SLC8A1: variants seen among roughly 807,000 people sequenced by gnomAD.
The protein encoded by SLC8A1 is sodium/calcium exchanger 1.
SLC8A1 carries 18 observed loss-of-function variants against 68.3 expected under a neutral mutation model. The ratio of observed to expected loss-of-function variants is 0.26; its 90% CI spans 0.18 to 0.39. The LOEUF is 0.39. SLC8A1 is among the 10% of genes least tolerant of loss of function. The pLI is 1.00. For synonymous variants in SLC8A1, 475 were observed against 415.5 expected (o/e 1.14, Z -1.74); for missense variants, 985 against 1,156.7 (o/e 0.85, Z 2.15).
intron 2 of SLC8A1, among the ~76,000 whole-genome samples, chr2:40,377,889 T>G (rs2149535113): frequency 6.6e-6 from 1 of 152,264 alleles, no homozygotes; most frequent in Middle Eastern, 3.4e-3. Context: ...CCTATGGTCA[T>G]CAATTCAAAA....
chr2:40,511,923 C>G (rs1706754300), intron 1 of SLC8A1, among the ~76,000 whole-genome samples: 2 of 152,174 alleles, frequency 1.3e-5, no homozygotes, highest in Admixed American at 1.3e-4. Context: ...GAACTAGTCA[C>G]ACATGCGAGT....
intron 2 of SLC8A1, chr2:40,251,887 C>T (rs1004037960): frequency 6.6e-6 from 1 of 152,084 alleles, no homozygotes; most frequent in Non-Finnish European, 1.5e-5. Flanking sequence ...CAATATACAT[C>T]GGGTATTATG....
chr2:40,114,623 G>A (rs2035006014), exon 8 of SLC8A1: 1 of 152,694 alleles, frequency 6.5e-6, no homozygotes, highest in Non-Finnish European at 1.5e-5. Flanking sequence ...CGGATTTCCT[G>A]GCTCCATTCC....
At chr2:40,193,210 T>C (rs1424550304) in intron 2 of SLC8A1, among the ~76,000 whole-genome samples, 2 of 152,094 alleles carry the variant, frequency 1.3e-5, no homozygotes, top group African/African-American at 4.8e-5. Flanking sequence ...GGTGTGTAGG[T>C]GATTCAAGCT....
exon 2 of SLC8A1, chr2:40,428,972 T>A (rs1425806438): frequency 1.2e-6 from 2 of 1,613,856 alleles, no homozygotes; most frequent in South Asian, 2.2e-5. Flanking sequence ...ACAGTGTTAG[T>A]CAAATCACCA....
intron 2 of SLC8A1, among the ~76,000 whole-genome samples, chr2:40,341,419 G>A (rs1175244957): frequency 6.6e-6 from 1 of 152,126 alleles, no homozygotes; most frequent in African/African-American, 2.4e-5. Flanking sequence ...TGAAACTATT[G>A]TGGAGTCTAA....
intron 1 of SLC8A1, among the ~76,000 whole-genome samples, chr2:40,472,761 TTAACA>T (rs898737848): frequency 2.0e-5 from 3 of 152,140 alleles, no homozygotes; most frequent in African/African-American, 7.2e-5. Context: ...CCTCATGGAG[TTAACA>T]TAACCAATCA....
intron 1 of SLC8A1, among the ~76,000 whole-genome samples, chr2:40,477,561 ACAAT>A (rs1704367647): frequency 6.6e-6 from 1 of 152,248 alleles, no homozygotes; most frequent in South Asian, 2.1e-4. Flanking sequence ...CGGAAGGAAG[ACAAT>A]CAGAGGTTTG....
intron 1 of SLC8A1, among the ~76,000 whole-genome samples, chr2:40,499,375 G>C (rs1057046224): frequency 6.6e-6 from 1 of 151,986 alleles, no homozygotes; most frequent in South Asian, 2.1e-4. Context: ...AGCTCATAAG[G>C]TTATTGTTAG....
At chr2:40,421,072 C>T (rs1695373650) in intron 2 of SLC8A1, among the ~76,000 whole-genome samples, 1 of 151,984 alleles carries the variant, frequency 6.6e-6, no homozygotes, top group South Asian at 2.1e-4. Flanking sequence ...CCATCATCAC[C>T]ACCACCACCA....
At chr2:40,418,115 C>A (rs915232033) in intron 2 of SLC8A1, among the ~76,000 whole-genome samples, 2 of 152,088 alleles carry the variant, frequency 1.3e-5, no homozygotes, top group African/African-American at 4.8e-5. Flanking sequence ...ATAATTCAAA[C>A]CTATAGAGGA....
chr2:40,428,454 T>C lies in SLC8A1; in HGVS notation c.1808+19A>G, dbSNP rs901909031. 68 of 1,536,624 alleles carry C rather than the reference T, an allele frequency of 4.4e-5. No homozygotes were observed. In the South Asian group the frequency reaches 4.7e-4, roughly 11 times the overall value. On this transcript the variant is annotated intron_variant, in intron 2 of 7. Transcript: ENST00000406785. Reference sequence around the variant, plus strand: ...ACACACACACACACACACACACACATATATAATATAGAACTTACACAATTT... The same window carrying C: ...ACACACACACACACACACACACACACATATAATATAGAACTTACACAATTT...
intron 2 of SLC8A1, among the ~76,000 whole-genome samples, chr2:40,228,798 A>T (rs149314084): frequency 1.8e-4 from 27 of 152,264 alleles, no homozygotes; most frequent in African/African-American, 5.1e-4. Context: ...TTGATCACCA[A>T]TCCAAGGTGA....
chr2:40,167,581 A>C (rs2148491451), intron 4 of SLC8A1, among the ~76,000 whole-genome samples: 1 of 152,332 alleles, frequency 6.6e-6, no homozygotes, highest in East Asian at 1.9e-4. Context: ...ACAGTAAGGC[A>C]CACTGTTTCT....
intron 2 of SLC8A1, among the ~76,000 whole-genome samples, chr2:40,263,677 G>T (rs1228735516): frequency 6.6e-6 from 1 of 152,046 alleles, no homozygotes; most frequent in African/African-American, 2.4e-5. Context: ...AGCTGAAACT[G>T]GATCCCTTCC....
At chr2:40,192,040 A>G (rs1267148551) in intron 2 of SLC8A1, among the ~76,000 whole-genome samples, 3 of 152,194 alleles carry the variant, frequency 2.0e-5, no homozygotes, top group Non-Finnish European at 2.9e-5. Flanking sequence ...TAAATATACA[A>G]TAAGACAAAT....
intron 3 of SLC8A1, among the ~76,000 whole-genome samples, chr2:40,177,460 A>G (rs1269999361): frequency 6.6e-6 from 1 of 152,254 alleles, no homozygotes. Context: ...AACCGTGAGT[A>G]GTGAAAAACT....
chr2:40,107,645 G>C (rs537642227), exon 8 of SLC8A1: 17 of 152,102 alleles, frequency 1.1e-4, no homozygotes, highest in Non-Finnish European at 1.8e-4. Context: ...AGCTAAAAAG[G>C]GGGGAGGTCA....
In SLC8A1 at chr2:40,462,067, C is replaced by T. The variant is rs544814745; in HGVS notation, c.-24-31763G>A. Among the ~76,000 whole-genome samples the T allele has an allele frequency of 4.8e-5, 6 of 124,364 alleles. No homozygotes were observed. The Admixed American group carries it at 5.0e-4, about 10-fold the overall frequency. The allele number at this position is 124,364 out of a possible 152,430, so 81.6% of individuals were successfully genotyped here. ...TGTCGCCCAGGCTGGAGTGCAGTGG[C>T]ACAATCTTGGCTCACTGCAAGCTCC... On this transcript the variant is annotated intron_variant, in intron 1 of 7. Coordinates refer to the SLC8A1 transcript ENST00000402441.
Sources: allele counts gnomAD v4.1 joint callset (sites outside exome capture counted in the v4.1 genomes callset), GRCh38; gene constraint gnomAD v4.1.1; transcripts MANE v1.5; gene names NCBI Gene and HGNC (gene_info 2026-07-23, HGNC 2026-07-21).